CLPSL1: variants seen among roughly 807,000 people sequenced by gnomAD.
CLPSL1 encodes the protein colipase-like protein 1.
A neutral mutation model predicts 9.3 loss-of-function variants in CLPSL1; 13 were observed. The observed-to-expected ratio is 1.40, with a 90% CI of 0.91 to 2.22. The LOEUF (loss-of-function observed/expected upper bound fraction) is 2.22, where lower values mean the gene tolerates loss of function less well. Among genes scored for constraint, CLPSL1 ranks in the 30% most tolerant of loss-of-function variants. The probability of loss-of-function intolerance (pLI) is 0.00; values close to 1 mark genes in which losing one functional copy is unlikely to be tolerated. For synonymous variants in CLPSL1, 58 were observed against 56.9 expected (o/e 1.02, Z -0.08); for missense variants, 164 against 146.6 (o/e 1.12, Z -0.61).
chr6:35,788,657 T>C (rs1768136409), downstream of CLPSL1, among the ~76,000 whole-genome samples: 1 of 152,236 alleles, frequency 6.6e-6, no homozygotes, highest in African/African-American at 2.4e-5. Flanking sequence ...AATCTGAATC[T>C]TCTGGGAGGC....
At position 35,787,950 on chromosome 6, in the gene CLPSL1, C is replaced by T. The variant is rs373793944; in HGVS notation, c.306C>T (p.Ile102=). 34 of 1,612,928 alleles carry T rather than the reference C, an allele frequency of 2.1e-5. No individual in the cohort carries two copies. The highest frequency in any genetic ancestry group is 2.6e-5 in the Non-Finnish European group (31 of 1,179,004). The part of the protein sequence containing the change: ...IYSKNEKWLS[I]AYGRCQKIGR... ...CAAAGAATGAGAAATGGCTTAGCAT[C>T]GCCTATGGCCGTTGTCAGAAAATTG... Residue 102 remains isoleucine (I), a synonymous_variant, in exon 3 of 3, where the codon ATC becomes ATT. Transcript: ENST00000373861.
rs1464846909 is a variant in CLPSL1, at chr6:35,781,153, T to C, written c.43T>C (p.Phe15Leu). The change falls in exon 1 of 3, where the codon TTC (phenylalanine) becomes CTC (leucine). Residue 15 changes from phenylalanine to leucine, a missense_variant. Transcript: ENST00000373861. The part of the protein sequence containing the change: ...QWLLLLFLLF[F>L]FLFLLTRGSL... The stretch of plus-strand genomic sequence containing the variant: ...GCTGCTGCTGCTGTTCCTTCTCTTC[T>C]TCTTTCTCTTCCTCCTCACCAGGGG... 1 of 1,614,074 alleles carries C rather than the reference T, an allele frequency of 6.2e-7. No homozygotes were observed. Among genetic ancestry groups the C allele is most frequent in the East Asian group, 2.2e-5 (1 of 44,870 alleles).
downstream of CLPSL1, among the ~76,000 whole-genome samples, chr6:35,790,671 GT>G (rs1397620834): frequency 1.3e-5 from 2 of 152,258 alleles, no homozygotes; most frequent in Admixed American, 1.3e-4. Context: ...AGCTATTATA[GT>G]TTCGTGACCT....
intron 1 of CLPSL1, among the ~76,000 whole-genome samples, chr6:35,786,368 C>T (rs1236113328): frequency 6.6e-6 from 1 of 152,254 alleles, no homozygotes; most frequent in Non-Finnish European, 1.5e-5. Flanking sequence ...ATTTTCGTCA[C>T]TGCAGAAGCT....
At chr6:35,790,366 T>A (rs75895388), downstream of CLPSL1, among the ~76,000 whole-genome samples, 2,432 of 151,628 alleles carry the variant, frequency 0.016, no homozygotes, top group African/African-American at 0.035. Flanking sequence ...GAAAGGGAGT[T>A]GGGGAAGATA....
Position 35,787,995 on chromosome 6 carries a change from G to C in CLPSL1, c.351G>C (p.Lys117Asn). The change falls in exon 3 of 3, where the codon AAG (lysine) becomes AAC (asparagine). Residue 117 changes from lysine (K) to asparagine (N), a missense_variant. Physicochemically the swap from Lys to Asn is moderately conservative, Grantham distance 94 (BLOSUM62 0). Coordinates refer to ENST00000373861, the MANE Select transcript of CLPSL1 (RefSeq NM_001010886.5). ...CQKIGRQKLA[K>N]KMFF is the part of the protein sequence containing the mutation. Reference sequence around the variant, plus strand: ...AAATTGGAAGGCAGAAGTTGGCTAAGAAAATGTTCTTCTAGTGCTCCCTCC... The same window carrying C: ...AAATTGGAAGGCAGAAGTTGGCTAACAAAATGTTCTTCTAGTGCTCCCTCC... 1 of 1,612,740 alleles carries C rather than the reference G, an allele frequency of 6.2e-7. No homozygotes were observed. Among genetic ancestry groups the C allele is most frequent in the South Asian group, 1.1e-5 (1 of 91,028 alleles).
chr6:35,788,348 C>G (rs1768129789), downstream of CLPSL1, among the ~76,000 whole-genome samples: 1 of 152,372 alleles, frequency 6.6e-6, no homozygotes, highest in Admixed American at 6.5e-5. Flanking sequence ...CCCCTTTCTG[C>G]CTTCAGCCCA....
chr6:35,781,415 A>G (rs1451432626), intron 1 of CLPSL1, among the ~76,000 whole-genome samples: 1 of 152,200 alleles, frequency 6.6e-6, no homozygotes, highest in Non-Finnish European at 1.5e-5. Context: ...TGCTGCTGCC[A>G]CAGAGGTGAA....
chr6:35,785,483 C>G (rs1023905424), intron 1 of CLPSL1, among the ~76,000 whole-genome samples: 11 of 151,716 alleles, frequency 7.3e-5, no homozygotes, highest in African/African-American at 2.4e-4. Context: ...GGCCCTGTCC[C>G]CGGAAATTCA....
At chr6:35,786,210 C>A (rs928355689) in intron 1 of CLPSL1, among the ~76,000 whole-genome samples, 2 of 152,134 alleles carry the variant, frequency 1.3e-5, no homozygotes, top group Non-Finnish European at 2.9e-5. Context: ...CGAAATCACG[C>A]CACTGCATAC....
At chr6:35,791,089 A>C (rs141461369), downstream of CLPSL1, among the ~76,000 whole-genome samples, 88 of 152,246 alleles carry the variant, frequency 5.8e-4, no homozygotes, top group East Asian at 0.016. Context: ...GCCCATTTTC[A>C]AATGCCTTCT....
downstream of CLPSL1, among the ~76,000 whole-genome samples, chr6:35,789,168 G>T (rs1338227279): frequency 6.6e-6 from 1 of 152,250 alleles, no homozygotes; most frequent in Admixed American, 6.5e-5. Flanking sequence ...AAATGACCGT[G>T]GAAGGAGAGG....
chr6:35,785,684 G>A (rs1282591987), intron 1 of CLPSL1, among the ~76,000 whole-genome samples: 1 of 152,106 alleles, frequency 6.6e-6, no homozygotes, highest in Admixed American at 6.6e-5. Flanking sequence ...TTTTAGAGAG[G>A]CAATGTGATA....
intron 1 of CLPSL1, 95 bp downstream of exon 1, chr6:35,781,304 G>C: frequency 3.4e-6 from 5 of 1,490,462 alleles, no homozygotes; most frequent in Non-Finnish European, 4.5e-6. Context: ...TAGTGTGGGA[G>C]AAGGCCAGAA....
At chr6:35,791,255 C>T (rs1384596582), downstream of CLPSL1, among the ~76,000 whole-genome samples, 3 of 152,250 alleles carry the variant, frequency 2.0e-5, no homozygotes, top group East Asian at 5.8e-4. Context: ...TGCTCCTTGA[C>T]TTACGATGGG....
chr6:35,782,479 T>C (rs145559811), intron 1 of CLPSL1, among the ~76,000 whole-genome samples: 1 of 152,292 alleles, frequency 6.6e-6, no homozygotes, highest in Non-Finnish European at 1.5e-5. Context: ...AACATATAAA[T>C]AAGATGATTT....
intron 2 of CLPSL1, 39 bp downstream of exon 2, chr6:35,787,159 G>C (rs751721004): frequency 1.9e-6 from 3 of 1,604,924 alleles, no homozygotes; most frequent in East Asian, 4.5e-5. Context: ...AGGGGATCCA[G>C]GGGAAGTGGG....
rs1768111105 is a variant in CLPSL1, at chr6:35,787,766, C to A, written c.223-101C>A. The A allele has an allele frequency of 1.1e-5, 12 of 1,122,988 alleles. No homozygotes were observed. The East Asian group carries it at 2.4e-4, about 23-fold the overall frequency. The allele number at this position is 1,122,988 out of a possible 1,614,324, so 69.6% of individuals were successfully genotyped here. A position where few individuals can be genotyped will look rare whatever the true frequency, so the allele number is the denominator to read the frequency against. On this transcript the variant is annotated intron_variant, in intron 2 of 2. Transcript: ENST00000373861. ...GCTATCATTTATCCCTGGATCCTGG[C>A]TGTGGGCAAGCACATGGGCCCTGGA...
chr6:35,788,801 GT>G (rs541140334), downstream of CLPSL1, among the ~76,000 whole-genome samples: 1 of 152,286 alleles, frequency 6.6e-6, no homozygotes, highest in Non-Finnish European at 1.5e-5. Flanking sequence ...GTTTTAGGAA[GT>G]CTCAGTGTGT....
Sources: gnomAD v4.1 joint callset for allele counts (sites outside exome capture counted in the v4.1 genomes callset) on GRCh38, gnomAD v4.1.1 for gene constraint, MANE v1.5 for transcripts, NCBI Gene and HGNC (gene_info 2026-07-23, HGNC 2026-07-21) for gene names.